PSG11: variants seen among roughly 807,000 people sequenced by gnomAD.
PSG11 encodes the protein pregnancy specific beta-1-glycoprotein 11.
In PSG11, 42 loss-of-function variants were observed where a neutral mutation model predicts 36.0. That is an observed-to-expected ratio of 1.17 (90% CI 0.91 to 1.51). The LOEUF (loss-of-function observed/expected upper bound fraction) is 1.51. Among genes scored for constraint, PSG11 ranks in the 40% most tolerant of loss-of-function variants. The pLI, the probability that PSG11 is intolerant of heterozygous loss-of-function variation, is 0.00. For synonymous variants in PSG11, 206 were observed against 153.5 expected (o/e 1.34, Z -2.53); for missense variants, 558 against 403.5 (o/e 1.38, Z -3.28).
At chr19:43,012,518 G>A (rs1239727544) in intron 4 of PSG11, among the ~76,000 whole-genome samples, 1 of 150,712 alleles carries the variant, frequency 6.6e-6, no homozygotes, top group Non-Finnish European at 1.5e-5. Context: ...CTGAAGGGAA[G>A]TTAAGAAAAA....
At chr19:43,022,092 C>A (rs1346298901) in intron 2 of PSG11, among the ~76,000 whole-genome samples, 1 of 151,474 alleles carries the variant, frequency 6.6e-6, no homozygotes, top group Non-Finnish European at 1.5e-5. Flanking sequence ...CAGGGACTGC[C>A]TTTGTCAAAC....
In PSG11 at chr19:43,018,770, G is replaced by A. The variant is rs769807921; in HGVS notation, c.709C>T (p.His237Tyr). The A allele has an allele frequency of 3.7e-5, 59 of 1,611,978 alleles. 3 individuals are homozygous for A. The highest frequency in any genetic ancestry group is 9.9e-5 in the South Asian group (9 of 90,850). Residue 237 changes from histidine (H) to tyrosine (Y), a missense_variant and splice_region_variant, in exon 3 of 6, where the codon CAT (histidine) becomes TAT (tyrosine). By Grantham distance (83) the His-to-Tyr change is moderately conservative. Transcript: ENST00000320078. ...TCACAGAGGAACAGAAGATACTCAC[G>A]GAGGAGATTCAGGGTGACTGGGTCA... ...RSDPVTLNLL[H>Y]GPDLPRIFPS...
At chr19:43,009,892 A>G (rs2062265278) in intron 5 of PSG11, 66 bp downstream of exon 5, 2 of 1,301,720 alleles carry the variant, frequency 1.5e-6, no homozygotes, top group Non-Finnish European at 2.2e-6. Flanking sequence ...CAAATAAGTC[A>G]TTTCCCTCTC....
intron 3 of PSG11, chr19:43,015,986 C>G (rs766792758): frequency 6.2e-7 from 1 of 1,610,178 alleles, no homozygotes; most frequent in East Asian, 2.2e-5. Context: ...AAGGTTAAGA[C>G]ATCCTTATTC....
chr19:43,024,142 G>C (rs1228282339), intron 2 of PSG11, among the ~76,000 whole-genome samples: 1 of 151,400 alleles, frequency 6.6e-6, no homozygotes, highest in Non-Finnish European at 1.5e-5. Flanking sequence ...ATGAGGCTCT[G>C]AGGGCTGAGC....
At chr19:43,025,933 T>C (rs1599684722) in intron 1 of PSG11, among the ~76,000 whole-genome samples, 7 of 86,954 alleles carry the variant, frequency 8.1e-5, no homozygotes, top group Admixed American at 4.3e-4. Context: ...TTTTTTTTTT[T>C]CTCTTTTTTT....
chr19:43,019,896 C>G (rs1213930811), intron 2 of PSG11, among the ~76,000 whole-genome samples: 1 of 151,490 alleles, frequency 6.6e-6, no homozygotes, highest in African/African-American at 2.4e-5. Context: ...CAAACATGAA[C>G]TGATGATGGA....
rs557467772 is a variant in PSG11, at chr19:43,014,502, C to T, written c.964+614G>A. The stretch of plus-strand genomic sequence containing the variant: ...CTTCTTATTTCCTTGCAGCCTGGCC[C>T]GGGGGAGGCTTGGCTTGAACTGGCA... On this transcript the variant is annotated intron_variant, in intron 4 of 5. Coordinates refer to ENST00000320078, the MANE Select transcript of PSG11 (RefSeq NM_002785.3). 37 of 977,442 alleles carry T rather than the reference C, an allele frequency of 3.8e-5. No homozygotes were observed. In the African/African-American group the frequency reaches 5.0e-4, roughly 13 times the overall value. The allele number at this position is 977,442 out of a possible 1,614,324, so 60.5% of individuals were successfully genotyped here. A position where few individuals can be genotyped will look rare whatever the true frequency, so the allele number is the denominator to read the frequency against.
intron 2 of PSG11, among the ~76,000 whole-genome samples, chr19:43,021,268 C>A (rs1967095016): frequency 6.6e-6 from 1 of 151,334 alleles, no homozygotes; most frequent in Non-Finnish European, 1.5e-5. Context: ...TTGGAAATTT[C>A]TATTGACACA....
Position 43,007,668 on chromosome 19 carries a change from A to G in PSG11, c.*415T>C, listed in dbSNP as rs1248112384. 4 of 161,202 alleles carry G rather than the reference A, an allele frequency of 2.5e-5. 1 individual carries two copies. The highest frequency in any genetic ancestry group is 3.2e-4 in the East Asian group (2 of 6,196). 10.0% of individuals were successfully genotyped at this position (161,202 alleles called of 1,614,324 possible). ...AGCAGATTCTTACTAAACTTGTGCA[A>G]ATAACTTTATTACCATAAACATATG... On this transcript the variant is annotated 3_prime_UTR_variant, in exon 6 of 6. Transcript: ENST00000320078.
intron 4 of PSG11, 124 bp downstream of exon 4, chr19:43,014,992 A>G (rs1481077009): frequency 2.5e-6 from 4 of 1,579,942 alleles, no homozygotes; most frequent in Non-Finnish European, 2.6e-6. Flanking sequence ...CAGGAGGAGA[A>G]TTTGGGATTT....
chr19:43,025,174 C>CAA (rs1450115825), intron 1 of PSG11, 118 bp from the exon 2 acceptor site: 1 of 1,391,924 alleles, frequency 7.2e-7, no homozygotes, highest in Non-Finnish European at 9.8e-7. Flanking sequence ...CACACACACA[C>CAA]ACACACACAC....
chr19:43,023,922 G>A (rs1197913047), intron 2 of PSG11, among the ~76,000 whole-genome samples: 1 of 151,402 alleles, frequency 6.6e-6, no homozygotes, highest in Non-Finnish European at 1.5e-5. Context: ...TTATTAATTT[G>A]CTTCCATGAG....
chr19:43,012,639 A>G (rs7257768), intron 4 of PSG11, among the ~76,000 whole-genome samples: 82,208 of 150,974 alleles, frequency 0.54, 24,356 homozygotes, highest in East Asian at 0.99. Context: ...AATGAAAGAC[A>G]ATATCAATAA....
chr19:43,017,419 A>T (rs575135096), intron 3 of PSG11: 5 of 151,252 alleles, frequency 3.3e-5, no homozygotes, highest in Admixed American at 2.0e-4. Context: ...CTCTCACCAC[A>T]TTTCTAGCTT....
chr19:43,014,931 A>G lies in PSG11; in HGVS notation c.964+185T>C, dbSNP rs1484228539. 8.9e-5 allele frequency: 131 copies of G among 1,467,448 alleles called. 3 individuals are homozygous for G. Among genetic ancestry groups the G allele is most frequent in the Non-Finnish European group, 1.1e-4 (117 of 1,100,778 alleles). 90.9% of individuals were successfully genotyped at this position (1,467,448 alleles called of 1,614,324 possible). A position where few individuals can be genotyped will look rare whatever the true frequency, so the allele number is the denominator to read the frequency against. On this transcript the variant is annotated intron_variant, in intron 4 of 5. Coordinates refer to ENST00000320078, the MANE Select transcript of PSG11 (RefSeq NM_002785.3). ...GGCCAGACACAAGGTCAGTCATGAG[A>G]AAACAGAAAAAAAAGGAGAAGAGAG...
rs142942764 is a variant in PSG11 at position 43,018,967 on chromosome 19, G to C, written c.512C>G (p.Pro171Arg). ...CAGGTAGCTTGCGTCCGGAGTCTCA[G>C]GATTACAGGTTAAGATCACAGTCTC... ...AMETVILTCN[P>R]ETPDASYLWW... Residue 171 changes from proline to arginine, a missense_variant, in exon 3 of 6, where the codon CCT becomes CGT. Physicochemically the swap from Pro to Arg is moderately radical, Grantham distance 103. Coordinates refer to ENST00000320078, the MANE Select transcript of PSG11 (RefSeq NM_002785.3). The C allele has an allele frequency of 1.5e-4, 236 of 1,611,990 alleles. 7 individuals are homozygous for C. Among genetic ancestry groups the C allele is most frequent in the Non-Finnish European group, 1.9e-4 (220 of 1,179,158 alleles).
chr19:43,010,686 T>C (rs759098506), intron 4 of PSG11: 20 of 191,304 alleles, frequency 1.0e-4, no homozygotes, highest in African/African-American at 2.6e-4. Flanking sequence ...TGGGTTCTCC[T>C]GTACTACCTT....
chr19:43,009,490 C>T (rs1163883587), intron 5 of PSG11, among the ~76,000 whole-genome samples: 1 of 151,186 alleles, frequency 6.6e-6, no homozygotes, highest in Non-Finnish European at 1.5e-5. Flanking sequence ...GAAATGTGAA[C>T]TTATCAAATA....
Sources: allele counts gnomAD v4.1 joint callset (sites outside exome capture counted in the v4.1 genomes callset), GRCh38; gene constraint gnomAD v4.1.1; transcripts MANE v1.5; gene names NCBI Gene and HGNC (gene_info 2026-07-23, HGNC 2026-07-21).